ZNF573: variants seen among roughly 807,000 people sequenced by gnomAD.
ZNF573 encodes zinc finger protein 573.
Under a neutral mutation model 57.4 loss-of-function variants are expected in ZNF573, and 41 were observed. The observed-to-expected ratio is 0.71, with a 90% CI of 0.56 to 0.93. The LOEUF is 0.93. ZNF573 is among the 40% of genes least tolerant of loss of function. The probability of loss-of-function intolerance (pLI) is 0.00; values close to 1 mark genes in which losing one functional copy is unlikely to be tolerated. For missense variants in ZNF573, 730 were observed against 794.8 expected, an observed-to-expected ratio of 0.92 and a Z score of 0.98; for synonymous variants, 249 against 261.0, an observed-to-expected ratio of 0.95 and a Z score of 0.44.
Position 37,738,696 on chromosome 19 carries a change from G to C in ZNF573, c.1794C>G (p.Thr598=), listed in dbSNP as rs1471193220. ...GKAFKMYGYL[T]QHQKIHTGGK... ...CACCAGTATGAATTTTCTGATGTTG[G>C]GTAAGGTAGCCATACATTTTAAAGG... The change falls in exon 5 of 5, where the codon ACC becomes ACG. Residue 598 remains threonine, a synonymous_variant. Coordinates refer to ENST00000536220, the MANE Select transcript of ZNF573 (RefSeq NM_001172690.2). The C allele has an allele frequency of 1.9e-6, 3 of 1,608,048 alleles. No individual in the cohort carries two copies. The highest frequency in any genetic ancestry group is 2.2e-5 in the South Asian group (2 of 90,102).
intron 4 of ZNF573, among the ~76,000 whole-genome samples, chr19:37,758,243 ATATATATATATATATATATAT>A (rs2045514065): frequency 1.1e-5 from 1 of 88,092 alleles, no homozygotes; most frequent in African/African-American, 4.3e-5. Flanking sequence ...ATATATATAT[ATATATATATATATATATATAT>A]AAAATTACCC....
intron 4 of ZNF573, among the ~76,000 whole-genome samples, chr19:37,767,282 G>A (rs909699040): frequency 6.6e-6 from 1 of 151,738 alleles, no homozygotes; most frequent in African/African-American, 2.4e-5. Context: ...AGGCTGGAGT[G>A]CAGTGGCGCG....
intron 4 of ZNF573, among the ~76,000 whole-genome samples, chr19:37,758,202 AATATAT>A (rs550290940): frequency 3.5e-3 from 60 of 17,110 alleles, no homozygotes; most frequent in Non-Finnish European, 5.3e-3. Flanking sequence ...AGTATAATAA[AATATAT>A]ATATATATAT....
At chr19:37,743,971 C>T (rs756573825) in intron 4 of ZNF573, among the ~76,000 whole-genome samples, 8 of 152,120 alleles carry the variant, frequency 5.3e-5, no homozygotes, top group Non-Finnish European at 1.0e-4. Flanking sequence ...GGGAATAACA[C>T]ACCAGGGCCT....
At chr19:37,742,865 G>T (rs959685887) in intron 4 of ZNF573, among the ~76,000 whole-genome samples, 1 of 152,160 alleles carries the variant, frequency 6.6e-6, no homozygotes, top group African/African-American at 2.4e-5. Context: ...CACAGGAAAA[G>T]AAACTATCAT....
At chr19:37,749,343 C>A (rs2045412396) in intron 4 of ZNF573, among the ~76,000 whole-genome samples, 1 of 151,804 alleles carries the variant, frequency 6.6e-6, no homozygotes, top group Non-Finnish European at 1.5e-5. Context: ...AAAATATTCT[C>A]CCTTGGCTTG....
intron 4 of ZNF573, among the ~76,000 whole-genome samples, chr19:37,766,151 TAATA>T (rs1204901959): frequency 4.6e-5 from 7 of 152,226 alleles, no homozygotes; most frequent in African/African-American, 1.7e-4. Context: ...TATTTGTACA[TAATA>T]AATGAAAAAT....
intron 4 of ZNF573, among the ~76,000 whole-genome samples, chr19:37,750,077 T>A (rs902426821): frequency 1.3e-4 from 19 of 151,318 alleles, no homozygotes; most frequent in Non-Finnish European, 2.7e-4. Context: ...CCAACATTAT[T>A]TTTTTTTAAT....
intron 4 of ZNF573, among the ~76,000 whole-genome samples, chr19:37,766,223 G>C (rs2045600669): frequency 6.6e-6 from 1 of 151,956 alleles, no homozygotes; most frequent in South Asian, 2.1e-4. Flanking sequence ...ATACATCCAG[G>C]CATTGAGCAT....
chr19:37,738,617 G>A lies in ZNF573; in HGVS notation c.1873C>T (p.Leu625Phe). 6.2e-7 allele frequency: 1 copy of A among 1,611,922 alleles called. No homozygotes were observed. The highest frequency in any genetic ancestry group is 8.5e-7 in the Non-Finnish European group (1 of 1,179,022). ...CGKAFSRASN[L>F]VQHERIHTGE... ...GTATGAATTCTCTCATGTTGAACAA[G>A]GTTTGAAGCACGACTGAAGGCCTTC... Residue 625 changes from leucine (L) to phenylalanine (F), a missense_variant, in exon 5 of 5, where the codon CTT becomes TTT. Physicochemically the swap from Leu to Phe is conservative, Grantham distance 22. Coordinates refer to ENST00000536220, the MANE Select transcript of ZNF573 (RefSeq NM_001172690.2).
intron 4 of ZNF573, among the ~76,000 whole-genome samples, chr19:37,768,439 T>C (rs1431447118): frequency 6.6e-6 from 1 of 152,106 alleles, no homozygotes; most frequent in African/African-American, 2.4e-5. Flanking sequence ...TTCCCTCCAA[T>C]GCTTCAGCCA....
intron 4 of ZNF573, chr19:37,740,809 C>T (rs1246160399): frequency 3.2e-6 from 1 of 311,552 alleles, no homozygotes; most frequent in African/African-American, 2.2e-5. Flanking sequence ...CGCCTTAAGT[C>T]CCTGATATAA....
At chr19:37,743,406 C>G (rs899284604) in intron 4 of ZNF573, among the ~76,000 whole-genome samples, 1 of 151,514 alleles carries the variant, frequency 6.6e-6, no homozygotes, top group Non-Finnish European at 1.5e-5. Context: ...CATCAGAGAT[C>G]ATCAGAGAAA....
chr19:37,763,549 G>A (rs1195823133), intron 4 of ZNF573, among the ~76,000 whole-genome samples: 1 of 151,286 alleles, frequency 6.6e-6, no homozygotes, highest in Non-Finnish European at 1.5e-5. Context: ...GGGCGACAGA[G>A]TGAGACTGTC....
At chr19:37,763,760 T>G (rs1055692303) in intron 4 of ZNF573, among the ~76,000 whole-genome samples, 2 of 151,976 alleles carry the variant, frequency 1.3e-5, no homozygotes, top group African/African-American at 4.8e-5. Context: ...ATGTTTTATG[T>G]GTCATAAAGA....
intron 4 of ZNF573, among the ~76,000 whole-genome samples, chr19:37,748,616 A>C (rs1479157827): frequency 1.3e-5 from 2 of 152,108 alleles, no homozygotes; most frequent in African/African-American, 4.8e-5. Flanking sequence ...AAAATGTAGT[A>C]AGGTAACACC....
intron 1 of ZNF573, among the ~76,000 whole-genome samples, chr19:37,779,153 C>T (rs1163261937): frequency 1.3e-5 from 2 of 152,056 alleles, no homozygotes; most frequent in Admixed American, 6.6e-5. Flanking sequence ...CCGCAATCAA[C>T]GTACATGAAA....
At chr19:37,768,742 G>A (rs963057763) in intron 4 of ZNF573, among the ~76,000 whole-genome samples, 3 of 147,640 alleles carry the variant, frequency 2.0e-5, no homozygotes, top group Non-Finnish European at 4.5e-5. Context: ...CTCAGCTCAC[G>A]GCAAGCTCCG....
intron 4 of ZNF573, among the ~76,000 whole-genome samples, chr19:37,759,339 GTAACTCAAAA>G (rs1369475107): frequency 1.3e-5 from 2 of 152,030 alleles, no homozygotes; most frequent in African/African-American, 4.8e-5. Context: ...AAGTTTAACT[GTAACTCAAAA>G]GTTTATAAAC....
Sources: gnomAD v4.1 joint callset for allele counts (sites outside exome capture counted in the v4.1 genomes callset) on GRCh38, gnomAD v4.1.1 for gene constraint, MANE v1.5 for transcripts, NCBI Gene and HGNC (gene_info 2026-07-23, HGNC 2026-07-21) for gene names.